MRPL39: variants seen among roughly 807,000 people sequenced by gnomAD.
The protein encoded by MRPL39 is large ribosomal subunit protein mL39.
A neutral mutation model predicts 44.5 loss-of-function variants in MRPL39; 35 were observed. The observed-to-expected ratio is 0.79, with a 90% CI of 0.60 to 1.04. The LOEUF is 1.04. Ranked by LOEUF, MRPL39 falls within the 50% of genes least tolerant of loss-of-function variation. The probability of loss-of-function intolerance (pLI) is 0.00; values close to 1 mark genes in which losing one functional copy is unlikely to be tolerated. For synonymous variants in MRPL39, 139 were observed against 136.1 expected (o/e 1.02, Z -0.15); for missense variants, 433 against 413.5 (o/e 1.05, Z -0.41).
intron 8 of MRPL39, 30 bp from the exon 9 acceptor site, chr21:25,588,912 A>T (rs1311029132): frequency 1.3e-6 from 2 of 1,580,950 alleles, no homozygotes; most frequent in Non-Finnish European, 1.7e-6. Context: ...CGATGAACTA[A>T]ATGAAGCAGT....
At chr21:25,606,296 T>C (rs1246706079) in intron 2 of MRPL39, among the ~76,000 whole-genome samples, 153 bp downstream of exon 2, 1 of 152,154 alleles carries the variant, frequency 6.6e-6, no homozygotes, top group Non-Finnish European at 1.5e-5. Flanking sequence ...GTGGGAGCAG[T>C]CACCATGCAG....
At position 25,606,593 on chromosome 21, in the gene MRPL39, C is replaced by T; in HGVS notation, c.136G>A (p.Asp46Asn). 6.2e-7 allele frequency: 1 copy of T among 1,613,820 alleles called. No homozygotes were observed. Among genetic ancestry groups the T allele is most frequent in the South Asian group, 1.1e-5 (1 of 91,068 alleles). The change falls in exon 2 of 10, where the codon GAT becomes AAT. Residue 46 changes from aspartate (D) to asparagine (N), a missense_variant. Coordinates refer to ENST00000352957, the MANE Select transcript of MRPL39 (RefSeq NM_017446.4). The stretch of plus-strand genomic sequence containing the variant: ...CTGGCTTTCTCTTTATTAAAGAGAT[C>T]ATTCCGCATTTCTGTCAATTCTGTC... Reference protein sequence around the residue: ...SPTELTEMRNDLFNKEKARQL... With the variant: ...SPTELTEMRNNLFNKEKARQL...
At chr21:25,602,906 G>C (rs958654611) in intron 3 of MRPL39, among the ~76,000 whole-genome samples, 2 of 152,192 alleles carry the variant, frequency 1.3e-5, no homozygotes, top group Non-Finnish European at 2.9e-5. Context: ...TCGAACGAAG[G>C]AGAGACCTGG....
intron 9 of MRPL39, chr21:25,587,813 G>A: frequency 1.3e-6 from 2 of 1,540,634 alleles, no homozygotes; most frequent in Non-Finnish European, 1.8e-6. Context: ...CTATCATGAA[G>A]AAATAAGCAA....
At chr21:25,606,723 G>A in intron 1 of MRPL39, 68 bp from the exon 2 acceptor site, 1 of 1,295,658 alleles carries the variant, frequency 7.7e-7, no homozygotes, top group Non-Finnish European at 1.1e-6. Context: ...AGTGCGCTCA[G>A]AGGTAAAATT....
At chr21:25,591,738 A>G (rs1250486203) in intron 8 of MRPL39, among the ~76,000 whole-genome samples, 1 of 152,180 alleles carries the variant, frequency 6.6e-6, no homozygotes, top group Non-Finnish European at 1.5e-5. Context: ...GGAATGTAAA[A>G]TGGTACCGTC....
chr21:25,591,079 C>CAAAAAAAAAAAAAAAAA (rs55796940), intron 8 of MRPL39, among the ~76,000 whole-genome samples: 1 of 129,152 alleles, frequency 7.7e-6, no homozygotes, highest in African/African-American at 3.0e-5. Context: ...CTATAGCCCA[C>CAAAAAAAAAAAAAAAAA]AAAAAAAAAA....
At chr21:25,596,697 G>T (rs1388722178) in intron 6 of MRPL39, among the ~76,000 whole-genome samples, 2 of 150,554 alleles carry the variant, frequency 1.3e-5, no homozygotes, top group East Asian at 3.9e-4. Flanking sequence ...TACAGCACAG[G>T]TTTCTCTTTC....
chr21:25,604,086 T>A, intron 2 of MRPL39, 151 bp from the exon 3 acceptor site: 1 of 697,184 alleles, frequency 1.4e-6, no homozygotes. Context: ...CTATAATCAA[T>A]TAAAAAAAAA....
At chr21:25,586,370 A>T (rs1342944646) in intron 9 of MRPL39, among the ~76,000 whole-genome samples, 1 of 152,162 alleles carries the variant, frequency 6.6e-6, no homozygotes, top group African/African-American at 2.4e-5. Flanking sequence ...GTTAACTCTC[A>T]CAGTCATTCT....
At chr21:25,601,512 A>C in intron 3 of MRPL39, 45 bp from the exon 4 acceptor site, 2 of 1,248,308 alleles carry the variant, frequency 1.6e-6, no homozygotes, top group Non-Finnish European at 2.2e-6. Flanking sequence ...AAACACACTG[A>C]GATTCACTAA....
At chr21:25,598,873 A>C (rs938216556) in intron 5 of MRPL39, among the ~76,000 whole-genome samples, 6 of 137,622 alleles carry the variant, frequency 4.4e-5, no homozygotes, top group Non-Finnish European at 8.1e-5. Flanking sequence ...AAAAAAAAAA[A>C]ACACTACAAA....
chr21:25,607,526 G>A (rs1381896419), upstream of MRPL39: 1 of 1,585,652 alleles, frequency 6.3e-7, no homozygotes, highest in East Asian at 2.3e-5. Context: ...CTCCTCCCCC[G>A]GAAACCGAAC....
At chr21:25,601,852 T>C (rs1475873292) in intron 3 of MRPL39, among the ~76,000 whole-genome samples, 3 of 152,268 alleles carry the variant, frequency 2.0e-5, no homozygotes, top group South Asian at 2.1e-4. Context: ...TTTATAAATA[T>C]GGAGAAAAAC....
At chr21:25,605,517 G>A (rs552471907) in intron 2 of MRPL39, among the ~76,000 whole-genome samples, 1 of 152,230 alleles carries the variant, frequency 6.6e-6, no homozygotes, top group East Asian at 1.9e-4. Context: ...ATGAAGAGGG[G>A]AGAAAGAAAA....
At position 25,592,970 on chromosome 21, in the gene MRPL39, T is replaced by C; in HGVS notation, c.768-5A>G. 1 of 1,580,976 alleles carries C rather than the reference T, an allele frequency of 6.3e-7. No homozygotes were observed. Among genetic ancestry groups the C allele is most frequent in the Non-Finnish European group, 8.6e-7 (1 of 1,167,746 alleles). On this transcript the variant is annotated splice_polypyrimidine_tract_variant and splice_region_variant and intron_variant, in intron 7 of 9. Transcript: ENST00000352957. ...ACATCAATGAAGTCACCTATTCTGA[T>C]TGATTTAAAAATAAATAAACAAAAC...
intron 5 of MRPL39, among the ~76,000 whole-genome samples, chr21:25,598,865 A>C (rs2123245033): frequency 6.6e-6 from 1 of 152,058 alleles, no homozygotes; most frequent in African/African-American, 2.4e-5. Context: ...GGAAAAAAAA[A>C]AAAAAAAAAC....
chr21:25,592,471 T>A (rs1200419111), intron 8 of MRPL39, among the ~76,000 whole-genome samples: 1 of 152,072 alleles, frequency 6.6e-6, no homozygotes, highest in Non-Finnish European at 1.5e-5. Context: ...ATCATTAAAA[T>A]TAGAGGGAAG....
At chr21:25,592,253 C>T (rs987672546) in intron 8 of MRPL39, among the ~76,000 whole-genome samples, 1 of 152,142 alleles carries the variant, frequency 6.6e-6, no homozygotes, top group African/African-American at 2.4e-5. Flanking sequence ...AAGGAATTGT[C>T]CTGTATCTTC....
Sources: gnomAD v4.1 joint callset for allele counts (sites outside exome capture counted in the v4.1 genomes callset) on GRCh38, gnomAD v4.1.1 for gene constraint, MANE v1.5 for transcripts, NCBI Gene and HGNC (gene_info 2026-07-23, HGNC 2026-07-21) for gene names.